ZMAT4: variants seen among roughly 807,000 people sequenced by gnomAD.
ZMAT4 encodes zinc finger matrin-type 4.
A neutral mutation model predicts 28.7 loss-of-function variants in ZMAT4; 17 were observed. The observed-to-expected ratio is 0.59, with a 90% CI of 0.41 to 0.89. The LOEUF is 0.89. ZMAT4 is among the 40% of genes least tolerant of loss of function. ZMAT4 has a pLI of 0.00. For missense variants in ZMAT4, 240 were observed against 283.8 expected, an observed-to-expected ratio of 0.85 and a Z score of 1.11; for synonymous variants, 117 against 109.2, an observed-to-expected ratio of 1.07 and a Z score of -0.44.
intron 5 of ZMAT4, among the ~76,000 whole-genome samples, chr8:40,647,026 T>G (rs1807353150): frequency 6.6e-6 from 1 of 152,096 alleles, no homozygotes; most frequent in South Asian, 2.1e-4. Flanking sequence ...TGGAACAAAA[T>G]TAGAAATCAG....
chr8:40,719,082 T>A (rs991465098), intron 3 of ZMAT4, among the ~76,000 whole-genome samples: 1 of 152,136 alleles, frequency 6.6e-6, no homozygotes, highest in Non-Finnish European at 1.5e-5. Flanking sequence ...TCCCTTTAAA[T>A]GCATTACCCC....
intron 1 of ZMAT4, among the ~76,000 whole-genome samples, chr8:40,831,706 A>C (rs1816285716): frequency 6.6e-6 from 1 of 152,202 alleles, no homozygotes; most frequent in African/African-American, 2.4e-5. Context: ...TGGACACTTC[A>C]ACTGAAGAGC....
At chr8:40,697,660 C>A (rs1019785198) in intron 3 of ZMAT4, among the ~76,000 whole-genome samples, 8 of 151,980 alleles carry the variant, frequency 5.3e-5, no homozygotes, top group African/African-American at 1.7e-4. Context: ...GCTGCACCCA[C>A]CAACCTGTCA....
intron 1 of ZMAT4, among the ~76,000 whole-genome samples, chr8:40,881,184 C>G (rs1162490492): frequency 6.6e-6 from 1 of 151,842 alleles, no homozygotes; most frequent in Non-Finnish European, 1.5e-5. Flanking sequence ...TCAAGATCAG[C>G]CTGAGTAACA....
chr8:40,540,988 T>C (rs1414579703), intron 6 of ZMAT4, among the ~76,000 whole-genome samples: 1 of 152,176 alleles, frequency 6.6e-6, no homozygotes, highest in Non-Finnish European at 1.5e-5. Flanking sequence ...CAACTTCAAA[T>C]TCCAGTTCTG....
chr8:40,815,486 A>G (rs1400819667), intron 2 of ZMAT4, among the ~76,000 whole-genome samples: 1 of 152,092 alleles, frequency 6.6e-6, no homozygotes, highest in Non-Finnish European at 1.5e-5. Context: ...AGCAAAGGAA[A>G]ATTTCTCTCA....
chr8:40,567,592 C>T (rs183088590), intron 6 of ZMAT4, among the ~76,000 whole-genome samples: 27 of 151,516 alleles, frequency 1.8e-4, no homozygotes, highest in Admixed American at 1.6e-3. Flanking sequence ...TTAGCTACTC[C>T]AGAGGCTGAG....
chr8:40,710,314 G>C (rs1489701224), intron 3 of ZMAT4, among the ~76,000 whole-genome samples: 1 of 152,152 alleles, frequency 6.6e-6, no homozygotes, highest in Non-Finnish European at 1.5e-5. Context: ...ATTGGATAAA[G>C]TATATCAATA....
At chr8:40,820,369 C>T (rs946818032) in intron 2 of ZMAT4, among the ~76,000 whole-genome samples, 20 of 127,800 alleles carry the variant, frequency 1.6e-4, no homozygotes, top group African/African-American at 5.7e-4. Flanking sequence ...TGTGTGTCTA[C>T]GTGTGTGGGT....
intron 1 of ZMAT4, among the ~76,000 whole-genome samples, chr8:40,855,139 T>C (rs983645927): frequency 3.9e-5 from 6 of 152,156 alleles, no homozygotes; most frequent in Non-Finnish European, 7.4e-5. Flanking sequence ...CAAATGACAC[T>C]AGACTTCAAA....
At chr8:40,555,082 T>G (rs1803489035) in intron 6 of ZMAT4, among the ~76,000 whole-genome samples, 1 of 152,192 alleles carries the variant, frequency 6.6e-6, no homozygotes, top group Admixed American at 6.6e-5. Context: ...ATGTTTGCCT[T>G]TCTGTGCCTG....
intron 5 of ZMAT4, among the ~76,000 whole-genome samples, chr8:40,650,620 C>CA (rs199592021): frequency 0.47 from 50,613 of 107,520 alleles, 12,238 homozygotes; most frequent in East Asian, 0.6. Flanking sequence ...AGAGACACAA[C>CA]AAAAAAAGAG....
chr8:40,690,944 T>A (rs1198021402), intron 4 of ZMAT4: 2 of 984,546 alleles, frequency 2.0e-6, no homozygotes, highest in Non-Finnish European at 2.4e-6. Context: ...TGTTTACTGT[T>A]CCTGCAAATA....
intron 2 of ZMAT4, among the ~76,000 whole-genome samples, chr8:40,789,113 G>A (rs1312853952): frequency 3.3e-5 from 5 of 151,578 alleles, no homozygotes; most frequent in South Asian, 4.2e-4. Flanking sequence ...GCGAAGAAGG[G>A]AGAAGAAAAT....
intron 2 of ZMAT4, among the ~76,000 whole-genome samples, chr8:40,774,407 A>G (rs1370918969): frequency 3.3e-5 from 5 of 152,168 alleles, no homozygotes; most frequent in Non-Finnish European, 7.4e-5. Context: ...GCACTTGTGT[A>G]CATAGATAAT....
intron 3 of ZMAT4, among the ~76,000 whole-genome samples, chr8:40,765,590 T>C (rs530082506): frequency 1.3e-5 from 2 of 152,316 alleles, no homozygotes; most frequent in Admixed American, 1.3e-4. Context: ...ACGGGGACTT[T>C]GATAAAGAAT....
chr8:40,743,517 CG>C (rs1812098043), intron 3 of ZMAT4, among the ~76,000 whole-genome samples: 4 of 152,208 alleles, frequency 2.6e-5, no homozygotes. Context: ...TTCTCTCATT[CG>C]GTCCTTCATT....
intron 5 of ZMAT4, among the ~76,000 whole-genome samples, chr8:40,608,997 C>A (rs762585838): frequency 3.0e-4 from 45 of 152,234 alleles, no homozygotes; most frequent in African/African-American, 9.9e-4. Context: ...TATGTTCCTG[C>A]GGTAGTTCTT....
At chr8:40,834,245 G>T (rs375530111) in intron 1 of ZMAT4, among the ~76,000 whole-genome samples, 1 of 152,120 alleles carries the variant, frequency 6.6e-6, no homozygotes, top group East Asian at 1.9e-4. Context: ...GCCCCAGCCT[G>T]CAGGGCGGTT....
Sources: allele counts gnomAD v4.1 joint callset (sites outside exome capture counted in the v4.1 genomes callset), GRCh38; gene constraint gnomAD v4.1.1; transcripts MANE v1.5; gene names NCBI Gene and HGNC (gene_info 2026-07-23, HGNC 2026-07-21).